The following GCN1 variants were observed in gnomAD, a reference collection of about 807,000 sequenced individuals.
GCN1 encodes stalled ribosome sensor GCN1.
In GCN1, 90 loss-of-function variants were observed where a neutral mutation model predicts 288.4. The ratio of observed to expected loss-of-function variants is 0.31; its 90% CI spans 0.26 to 0.37. The LOEUF (loss-of-function observed/expected upper bound fraction) is 0.37, where lower values mean the gene tolerates loss of function less well. GCN1 is among the 10% of genes least tolerant of loss of function. GCN1 has a pLI of 1.00. For missense variants in GCN1, 2,586 were observed against 3,419.9 expected (o/e 0.76, Z 6.08); for synonymous variants, 1,386 against 1,420.2 (o/e 0.98, Z 0.54).
rs1877878868 is a variant in GCN1 at position 120,160,122 on chromosome 12, T to TGG, written c.2550+18_2550+19dup. On this transcript the variant is annotated intron_variant, in intron 23 of 57. Transcript: ENST00000300648. ...CCAGCACTCTTCCGGCTTGAGCATG[T>TGG]GGCGGAGGTGGCCACTCACCTCCTG... The TGG allele has an allele frequency of 6.3e-7, 1 of 1,596,846 alleles. No homozygotes were observed. The highest frequency in any genetic ancestry group is 8.6e-7 in the Non-Finnish European group (1 of 1,164,934).
Position 120,175,266 on chromosome 12 carries a change from G to C in GCN1, c.1043-54C>G, listed in dbSNP as rs556420038. On this transcript the variant is annotated intron_variant, in intron 11 of 57. Transcript: ENST00000300648. ...TTCACATATGCCACATTTCCCAAGA[G>C]AGTGAACAATGCAGTCACGTGTGTG... is the stretch of plus-strand genomic sequence containing the variant. The C allele has an allele frequency of 4.4e-5, 65 of 1,471,612 alleles. No homozygotes were observed. The African/African-American group carries it at 7.8e-4, about 18-fold the overall frequency. The allele number at this position is 1,471,612 out of a possible 1,614,324, so 91.2% of individuals were successfully genotyped here.
chr12:120,175,672 C>T (rs1878458940), intron 11 of GCN1, 74 bp downstream of exon 11: 14 of 1,476,430 alleles, frequency 9.5e-6, no homozygotes, highest in Non-Finnish European at 1.2e-5. Flanking sequence ...CATCAAGTCC[C>T]CTTCAGATCC....
At chr12:120,165,257 G>A (rs1029175257) in intron 16 of GCN1, among the ~76,000 whole-genome samples, 6 of 151,932 alleles carry the variant, frequency 3.9e-5, no homozygotes, top group Non-Finnish European at 7.4e-5. Flanking sequence ...GGATGGTCTC[G>A]ATCTCCTGGC....
chr12:120,164,865 G>GTTT, intron 16 of GCN1, 144 bp from the exon 17 acceptor site: 16 of 372,934 alleles, frequency 4.3e-5, no homozygotes, highest in Non-Finnish European at 5.7e-5. Flanking sequence ...ATTACAGCTT[G>GTTT]TTTTTTTTTT....
intron 5 of GCN1, among the ~76,000 whole-genome samples, chr12:120,182,877 T>C (rs1878706531): frequency 6.6e-6 from 1 of 150,668 alleles, no homozygotes; most frequent in African/African-American, 2.4e-5. Flanking sequence ...GAGGCAGAGG[T>C]TGCAGTGAGC....
intron 11 of GCN1, 89 bp downstream of exon 11, chr12:120,175,657 T>TG: frequency 7.3e-7 from 1 of 1,368,668 alleles, no homozygotes; most frequent in Non-Finnish European, 1.0e-6. Flanking sequence ...CAGGCAGACT[T>TG]GGAGCATCAA....
rs759809797 is a variant in GCN1 at position 120,129,356 on chromosome 12, T to C, written c.7810A>G (p.Lys2604Glu). The change falls in exon 57 of 58, where the codon AAG becomes GAG. Residue 2604 changes from lysine (K) to glutamate (E), a missense_variant. Around this residue, in one of 8 missense-constraint regions of GCN1, gnomAD observed 355 missense variants for 431.1 expected, o/e 0.82. Coordinates refer to ENST00000300648, the MANE Select transcript of GCN1 (RefSeq NM_006836.2). ...CTGTAGGCCCTGACCACGGTGTTCT[T>C]ATCCTTGGTGTTGTCAAGAAGAGCC... ...LKALLDNTKD[K>E]NTVVRAYSDQ... is the part of the protein sequence containing the mutation. The C allele has an allele frequency of 1.2e-6, 2 of 1,614,086 alleles. No individual in the cohort carries two copies. Among genetic ancestry groups the C allele is most frequent in the Non-Finnish European group, 1.7e-6 (2 of 1,179,958 alleles).
chr12:120,148,058 G>T, intron 37 of GCN1, 109 bp downstream of exon 37: 1 of 743,180 alleles, frequency 1.3e-6, no homozygotes, highest in Non-Finnish European at 2.2e-6. Context: ...GAACATATTT[G>T]TCCTCGGAGG....
At position 120,137,017 on chromosome 12, in the gene GCN1, A is replaced by C. The variant is rs1357843658; in HGVS notation, c.6777+189T>G. Among the ~76,000 whole-genome samples, 1 of 152,158 alleles carries C rather than the reference A, an allele frequency of 6.6e-6. No homozygotes were observed. The highest frequency in any genetic ancestry group is 1.5e-5 in the Non-Finnish European group (1 of 68,020). ...CAAGGTGACCTGCAGAGCTTAAACC[A>C]AAGGCAGCATGAACCCTGTCCCCAT... is the stretch of plus-strand genomic sequence containing the variant. On this transcript the variant is annotated intron_variant, in intron 50 of 57. Coordinates refer to ENST00000300648, the MANE Select transcript of GCN1 (RefSeq NM_006836.2). The surrounding 1 kb of genome is among the most constrained non-coding windows in gnomAD (Gnocchi z 5.2).
At chr12:120,157,747 CT>C (rs756262899) in intron 26 of GCN1, 101 bp downstream of exon 26, 8 of 970,308 alleles carry the variant, frequency 8.2e-6, no homozygotes, top group Non-Finnish European at 1.1e-5. Context: ...CATACACTCT[CT>C]ATTTCCCCAC....
Position 120,190,387 on chromosome 12 carries a change from A to C in GCN1, c.32T>G (p.Leu11Arg). The C allele has an allele frequency of 6.3e-7, 1 of 1,597,398 alleles. No individual in the cohort carries two copies. The highest frequency in any genetic ancestry group is 8.6e-7 in the Non-Finnish European group (1 of 1,164,920). MAADTQVSET[L>R]KRFAGKVTTA... is the part of the protein sequence containing the mutation. ...TGTCACCTTCCCTGCAAAACGCTTT[A>C]GTGTCTCGGAAACCTGTGAAGGCCA... is the stretch of plus-strand genomic sequence containing the variant. The change falls in exon 2 of 58, where the codon CTA becomes CGA. Residue 11 changes from leucine (L) to arginine (R), a missense_variant. By Grantham distance (102) the Leu-to-Arg change is moderately radical. Around this residue, in one of 8 missense-constraint regions of GCN1, gnomAD observed 913 missense variants for 1,107.0 expected, o/e 0.82. Coordinates refer to ENST00000300648, the MANE Select transcript of GCN1 (RefSeq NM_006836.2).
chr12:120,145,388 G>A, intron 38 of GCN1, 58 bp from the exon 39 acceptor site: 2 of 1,319,406 alleles, frequency 1.5e-6, no homozygotes, highest in East Asian at 2.5e-5. Context: ...CTCCAGGCCT[G>A]TTCCACTGTG....
chr12:120,193,151 G>A (rs1038310917), intron 1 of GCN1, among the ~76,000 whole-genome samples: 7 of 152,192 alleles, frequency 4.6e-5, no homozygotes, highest in Admixed American at 3.9e-4. Flanking sequence ...TCAGGAATTC[G>A]AGACCAGCCT....
chr12:120,140,818 T>C (rs1877165397), intron 45 of GCN1, 41 bp downstream of exon 45: 1 of 1,590,768 alleles, frequency 6.3e-7, no homozygotes, highest in African/African-American at 1.3e-5. Context: ...AGTCAGGTCG[T>C]CTGCAGTGCA....
Position 120,174,176 on chromosome 12 carries a change from G to A in GCN1, c.1094-7C>T, listed in dbSNP as rs1878399003. On this transcript the variant is annotated splice_polypyrimidine_tract_variant and splice_region_variant and intron_variant, in intron 12 of 57. Transcript: ENST00000300648. ...TGACTGACGCTCCCAATCCCTAAAA[G>A]GCAGATTCCCTGTTCAGTCTCTTAT... 1 of 1,520,360 alleles carries A rather than the reference G, an allele frequency of 6.6e-7. No individual in the cohort carries two copies. Among genetic ancestry groups the A allele is most frequent in the Non-Finnish European group, 9.1e-7 (1 of 1,094,584 alleles). The allele number at this position is 1,520,360 out of a possible 1,614,324, so 94.2% of individuals were successfully genotyped here. A position where few individuals can be genotyped will look rare whatever the true frequency, so the allele number is the denominator to read the frequency against.
chr12:120,184,080 A>G (rs1878748596), intron 4 of GCN1, 32 bp downstream of exon 4: 1 of 1,596,868 alleles, frequency 6.3e-7, no homozygotes, highest in South Asian at 1.1e-5. Flanking sequence ...GACTGTACCA[A>G]TTCTCAGGGG....
At chr12:120,170,410 C>A in intron 14 of GCN1, 89 bp from the exon 15 acceptor site, 2 of 1,166,516 alleles carry the variant, frequency 1.7e-6, no homozygotes, top group Admixed American at 2.1e-5. Flanking sequence ...AGCTGTGAAC[C>A]AGACGACTAA....
In GCN1 at chr12:120,144,372, T is replaced by C; in HGVS notation, c.5429A>G (p.Glu1810Gly). Residue 1810 changes from glutamate (E) to glycine (G), a missense_variant, in exon 42 of 58, where the codon GAG becomes GGG. Glu to Gly is a moderately conservative substitution (Grantham distance 98). Around this residue, in one of 8 missense-constraint regions of GCN1, gnomAD observed 371 missense variants for 572.6 expected, o/e 0.65. Coordinates refer to ENST00000300648, the MANE Select transcript of GCN1 (RefSeq NM_006836.2). The surrounding 1 kb of genome is among the most constrained non-coding windows in gnomAD (Gnocchi z 4.7). ...GGGCAGCAGCAGGGCGATGGCTGTCTCAGCGTACATGGAGATAACCCGCTG... is the reference window on the plus strand; with the variant it reads ...GGGCAGCAGCAGGGCGATGGCTGTCCCAGCGTACATGGAGATAACCCGCTG... ...AGQRVISMYA[E>G]TAIALLLPQL... 6.2e-7 allele frequency: 1 copy of C among 1,614,226 alleles called. No homozygotes were observed. The highest frequency in any genetic ancestry group is 1.1e-5 in the South Asian group (1 of 91,090).
intron 3 of GCN1, among the ~76,000 whole-genome samples, chr12:120,184,577 T>C (rs1011048994): frequency 1.3e-5 from 2 of 152,202 alleles, no homozygotes; most frequent in Non-Finnish European, 2.9e-5. Flanking sequence ...AGCAGGCAAC[T>C]GTTCCAGGCA....
Sources: gnomAD v4.1 joint callset for allele counts (sites outside exome capture counted in the v4.1 genomes callset) on GRCh38, gnomAD v4.1.1 for gene constraint, gnomAD v4.1.1 regional missense constraint, Gnocchi (gnomAD v3.1) non-coding constraint, MANE v1.5 for transcripts, NCBI Gene and HGNC (gene_info 2026-07-23, HGNC 2026-07-21) for gene names.